The following WDR72 variants were observed in gnomAD, a reference collection of about 807,000 sequenced individuals.
WDR72 encodes WD repeat-containing protein 72.
WDR72 carries 120 observed loss-of-function variants against 124.2 expected under a neutral mutation model. That is an observed-to-expected ratio of 0.97 (90% CI 0.83 to 1.12). WDR72 has a LOEUF of 1.12. Among genes scored for constraint, WDR72 ranks in the 50% most tolerant of loss-of-function variants. WDR72 has a pLI of 0.00. For synonymous variants in WDR72, 452 were observed against 441.7 expected (o/e 1.02, Z -0.29); for missense variants, 1,387 against 1,278.8 (o/e 1.08, Z -1.29).
chr15:53,734,455 T>C (rs953790666), intron 1 of WDR72, among the ~76,000 whole-genome samples: 1 of 152,188 alleles, frequency 6.6e-6, no homozygotes, highest in Non-Finnish European at 1.5e-5. Context: ...AATAATACTG[T>C]AACCAGAACA....
chr15:53,579,620 A>G (rs2011806529), intron 18 of WDR72, among the ~76,000 whole-genome samples: 2 of 152,096 alleles, frequency 1.3e-5, no homozygotes, highest in Non-Finnish European at 2.9e-5. Context: ...ATACTATCTC[A>G]CCCCTTAACT....
intron 17 of WDR72, among the ~76,000 whole-genome samples, chr15:53,606,747 G>A (rs555991568): frequency 6.6e-6 from 1 of 152,226 alleles, no homozygotes; most frequent in South Asian, 2.1e-4. Flanking sequence ...TCTAGCCCAA[G>A]AGAACAGTAA....
intron 14 of WDR72, among the ~76,000 whole-genome samples, chr15:53,660,502 A>G (rs1468707795): frequency 6.6e-6 from 1 of 152,128 alleles, no homozygotes; most frequent in Non-Finnish European, 1.5e-5. Flanking sequence ...TGTTTTTTAC[A>G]AGAGGTATGA....
intron 1 of WDR72, among the ~76,000 whole-genome samples, chr15:53,733,829 AC>A (rs1256267554): frequency 2.6e-5 from 4 of 152,212 alleles, no homozygotes; most frequent in Admixed American, 2.6e-4. Flanking sequence ...GTTATCTATG[AC>A]CACCCAAAGT....
At chr15:53,685,251 T>A (rs546407007) in intron 13 of WDR72, among the ~76,000 whole-genome samples, 117 of 144,294 alleles carry the variant, frequency 8.1e-4, no homozygotes, top group African/African-American at 2.9e-3. Context: ...CTTCAGACGA[T>A]CAAATTACTC....
chr15:53,630,626 G>T (rs1412183375), intron 14 of WDR72, among the ~76,000 whole-genome samples: 1 of 152,168 alleles, frequency 6.6e-6, no homozygotes, highest in African/African-American at 2.4e-5. Flanking sequence ...TATCCTAATA[G>T]ATGCACAAAA....
chr15:53,651,114 A>T (rs2015224247), intron 14 of WDR72, among the ~76,000 whole-genome samples: 1 of 152,076 alleles, frequency 6.6e-6, no homozygotes, highest in Admixed American at 6.6e-5. Flanking sequence ...CTCTTGAGTC[A>T]CACTGGCCTT....
intron 14 of WDR72, among the ~76,000 whole-genome samples, chr15:53,644,679 AT>A (rs1363107327): frequency 6.6e-6 from 1 of 152,080 alleles, no homozygotes; most frequent in African/African-American, 2.4e-5. Context: ...CCAACCATTC[AT>A]TTTCAGATTC....
rs140763122 is a variant in WDR72 at position 53,671,832 on chromosome 15, C to T, written c.1766-6064G>A. ...CCTGTGAACTAGCCATTTCTTGCTT[C>T]GTGGACTACAGAACAGAAGATGCTA... On this transcript the variant is annotated intron_variant, in intron 13 of 19. Transcript: ENST00000360509. 8.6e-5 allele frequency among the ~76,000 whole-genome samples: 13 copies of T among 151,674 alleles called. No individual in the cohort carries two copies. The East Asian group carries it at 1.4e-3, about 16-fold the overall frequency.
At chr15:53,550,123 T>C (rs1359023433) in intron 18 of WDR72, among the ~76,000 whole-genome samples, 2 of 152,184 alleles carry the variant, frequency 1.3e-5, no homozygotes, top group African/African-American at 4.8e-5. Flanking sequence ...GGAAACAAGC[T>C]TGGTAAGACA....
intron 1 of WDR72, among the ~76,000 whole-genome samples, chr15:53,744,048 C>A (rs1252825719): frequency 6.6e-6 from 1 of 151,924 alleles, no homozygotes; most frequent in Non-Finnish European, 1.5e-5. Context: ...AGTAAATGTG[C>A]AGTAACGTTT....
intron 7 of WDR72, 63 bp downstream of exon 7, chr15:53,712,709 T>C: frequency 6.8e-7 from 1 of 1,476,826 alleles, no homozygotes; most frequent in Non-Finnish European, 9.4e-7. Context: ...TTCTTATTTT[T>C]GTACAAAACA....
At chr15:53,585,904 C>T (rs991595047) in intron 18 of WDR72, among the ~76,000 whole-genome samples, 3 of 152,044 alleles carry the variant, frequency 2.0e-5, no homozygotes, top group Non-Finnish European at 2.9e-5. Context: ...AGCAGTACGT[C>T]TCTTCATGTC....
intron 16 of WDR72, among the ~76,000 whole-genome samples, chr15:53,611,944 T>C (rs2013557488): frequency 6.6e-6 from 1 of 152,130 alleles, no homozygotes; most frequent in African/African-American, 2.4e-5. Context: ...GTCATTCAGG[T>C]CACCCCATCC....
intron 17 of WDR72, among the ~76,000 whole-genome samples, chr15:53,602,995 G>T (rs1193094133): frequency 1.3e-5 from 2 of 152,106 alleles, no homozygotes; most frequent in African/African-American, 4.8e-5. Flanking sequence ...TATGAGGCCA[G>T]CATCATCCTG....
At chr15:53,619,007 C>T (rs914531960) in intron 14 of WDR72, among the ~76,000 whole-genome samples, 2 of 151,806 alleles carry the variant, frequency 1.3e-5, no homozygotes, top group African/African-American at 4.8e-5. Context: ...TTAATATGTT[C>T]CTTAAATTGC....
chr15:53,679,778 T>C (rs1188492624), intron 13 of WDR72, among the ~76,000 whole-genome samples: 1 of 152,114 alleles, frequency 6.6e-6, no homozygotes, highest in Non-Finnish European at 1.5e-5. Flanking sequence ...AGAAAAATAA[T>C]AGAAGCCCAC....
upstream of WDR72, chr15:53,759,728 C>CCGCCT (rs1567068696): frequency 6.6e-6 from 1 of 151,454 alleles, no homozygotes; most frequent in East Asian, 2.0e-4. Flanking sequence ...TCGCCCCGCC[C>CCGCCT]CGCCCCGCCC....
chr15:53,549,292 A>C (rs1893625944), intron 18 of WDR72, among the ~76,000 whole-genome samples: 1 of 152,192 alleles, frequency 6.6e-6, no homozygotes, highest in African/African-American at 2.4e-5. Flanking sequence ...GCTGATACAC[A>C]GTTCTTTTGG....
Sources: gnomAD v4.1 joint callset for allele counts (sites outside exome capture counted in the v4.1 genomes callset) on GRCh38, gnomAD v4.1.1 for gene constraint, MANE v1.5 for transcripts, NCBI Gene and HGNC (gene_info 2026-07-23, HGNC 2026-07-21) for gene names.